The following DOCK3 variants were observed in gnomAD, a reference collection of about 807,000 sequenced individuals.
DOCK3 encodes dedicator of cytokinesis protein 3.
Under a neutral mutation model 265.6 loss-of-function variants are expected in DOCK3, and 60 were observed. The ratio of observed to expected loss-of-function variants is 0.23; its 90% CI spans 0.18 to 0.28. DOCK3 has a LOEUF of 0.28. DOCK3 is among the 10% of genes least tolerant of loss of function. The pLI is 1.00. For missense variants in DOCK3, 1,981 were observed against 2,594.3 expected (o/e 0.76, Z 5.14); for synonymous variants, 881 against 938.0 (o/e 0.94, Z 1.11).
intron 2 of DOCK3, among the ~76,000 whole-genome samples, chr3:50,788,594 G>T (rs532475758): frequency 6.6e-6 from 1 of 152,246 alleles, no homozygotes; most frequent in African/African-American, 2.4e-5. Context: ...TCCCTGCAGT[G>T]GGGGGACTGT....
In DOCK3 at chr3:50,841,781, A is replaced by G. The variant is rs574989365; in HGVS notation, c.162+66A>G. 7 of 250,172 alleles carry G rather than the reference A, an allele frequency of 2.8e-5. 1 individual carries two copies. The highest frequency in any genetic ancestry group is 4.9e-5 in the Admixed American group (1 of 20,376). 15.5% of individuals were successfully genotyped at this position (250,172 alleles called of 1,614,324 possible). On this transcript the variant is annotated intron_variant, in intron 3 of 52. Transcript: ENST00000266037. ...GAACTACCTTGTATGTTTGTTTGAT[A>G]TAACAACTCTTAGTGGTTCATCTTT...
intron 5 of DOCK3, among the ~76,000 whole-genome samples, chr3:50,990,506 C>G (rs1406303944): frequency 6.6e-6 from 1 of 152,132 alleles, no homozygotes; most frequent in Non-Finnish European, 1.5e-5. Flanking sequence ...GGCCTATATT[C>G]AACATTCTTA....
At chr3:50,862,058 G>C (rs983606327) in intron 3 of DOCK3, among the ~76,000 whole-genome samples, 1 of 152,044 alleles carries the variant, frequency 6.6e-6, no homozygotes, top group East Asian at 1.9e-4. Context: ...ATGGTAGCAG[G>C]TATCTTTCAT....
At chr3:50,968,619 G>T (rs2077103712) in intron 5 of DOCK3, among the ~76,000 whole-genome samples, 1 of 147,352 alleles carries the variant, frequency 6.8e-6, no homozygotes, top group Non-Finnish European at 1.5e-5. Flanking sequence ...GCACTATCTT[G>T]GCTCACTGCA....
intron 6 of DOCK3, among the ~76,000 whole-genome samples, chr3:51,070,654 C>T (rs1008571035): frequency 2.0e-5 from 3 of 152,090 alleles, no homozygotes; most frequent in African/African-American, 4.8e-5. Flanking sequence ...GCTGTTTTTA[C>T]TATAAGCATT....
chr3:51,246,799 G>A lies in DOCK3; in HGVS notation c.2176G>A (p.Ala726Thr). Residue 726 changes from alanine (A) to threonine (T), a missense_variant, in exon 22 of 53, where the codon GCT becomes ACT. This residue lies in a region of DOCK3 where 1,357 missense variants were observed against 1,866.8 expected (regional missense o/e 0.73). Coordinates refer to ENST00000266037, the MANE Select transcript of DOCK3 (RefSeq NM_004947.5). Reference protein sequence around the residue: ...ELIRQDHIQEAMRALEYLFKF... With the variant: ...ELIRQDHIQETMRALEYLFKF... The stretch of plus-strand genomic sequence containing the variant: ...GATTCGACAGGACCACATTCAAGAA[G>A]CTATGCGGGTAATGTACTAACCTCT... The A allele has an allele frequency of 1.2e-6, 2 of 1,612,958 alleles. No homozygotes were observed. The highest frequency in any genetic ancestry group is 8.5e-7 in the Non-Finnish European group (1 of 1,179,476).
At chr3:50,971,890 G>T (rs1559880373) in intron 5 of DOCK3, among the ~76,000 whole-genome samples, 1 of 152,192 alleles carries the variant, frequency 6.6e-6, no homozygotes, top group Non-Finnish European at 1.5e-5. Context: ...GGCAAGGGGA[G>T]CTCCTGGTGA....
At chr3:51,064,364 T>C in intron 5 of DOCK3, 84 bp from the exon 6 acceptor site, 1 of 1,537,966 alleles carries the variant, frequency 6.5e-7, no homozygotes, top group Non-Finnish European at 8.9e-7. Flanking sequence ...TGAGCACTTT[T>C]CATAGTTTAA....
chr3:50,991,439 T>C (rs2078099377), intron 5 of DOCK3, among the ~76,000 whole-genome samples: 2 of 152,206 alleles, frequency 1.3e-5, no homozygotes, highest in Non-Finnish European at 2.9e-5. Context: ...GCAGATGTTG[T>C]GATTTTTAAT....
chr3:51,313,032 A>T, intron 31 of DOCK3, 130 bp downstream of exon 31: 2 of 827,036 alleles, frequency 2.4e-6, no homozygotes, highest in South Asian at 1.7e-5. Context: ...TATCTTTCAC[A>T]TAACACCTCA....
At position 50,698,517 on chromosome 3, in the gene DOCK3, G is replaced by GTTTTTT; in HGVS notation, c.37+23237_37+23242dup. The stretch of plus-strand genomic sequence containing the variant: ...GTTTCTCTGTGGATGTATGTTTTTG[G>GTTTTTT]TTTTTTTTTTTTTTTTTTTTTTTTT... On this transcript the variant is annotated intron_variant, in intron 1 of 52. Coordinates refer to ENST00000266037, the MANE Select transcript of DOCK3 (RefSeq NM_004947.5). Among the ~76,000 whole-genome samples, 92 of 19,508 alleles carry GTTTTTT rather than the reference G, an allele frequency of 4.7e-3. 30 individuals carry two copies. The highest frequency in any genetic ancestry group is 9.0e-3 in the Non-Finnish European group (76 of 8,456). 12.8% of individuals were successfully genotyped at this position (19,508 alleles called of 152,430 possible).
In DOCK3 at chr3:51,214,245, C is replaced by T. The variant is rs762863241; in HGVS notation, c.1250C>T (p.Pro417Leu). The change falls in exon 14 of 53, where the codon CCA becomes CTA. Residue 417 changes from proline to leucine, a missense_variant and splice_region_variant. Pro to Leu is a moderately conservative substitution (Grantham distance 98). Transcript: ENST00000266037. ...TTGGGATTTCCTGATGTCATTATGCCAGGTATGCAGAACTGCTTGGGGCTG... is the reference window on the plus strand; with the variant it reads ...TTGGGATTTCCTGATGTCATTATGCTAGGTATGCAGAACTGCTTGGGGCTG... ...RKLGFPDVIM[P>L]GDIRNDLYLT... 6.2e-7 allele frequency: 1 copy of T among 1,613,366 alleles called. No individual in the cohort carries two copies. The highest frequency in any genetic ancestry group is 1.1e-5 in the South Asian group (1 of 90,980).
intron 3 of DOCK3, among the ~76,000 whole-genome samples, chr3:50,876,262 C>T (rs2047696893): frequency 6.6e-6 from 1 of 152,102 alleles, no homozygotes; most frequent in African/African-American, 2.4e-5. Context: ...ATTTGCCTCC[C>T]ATTTGTAAAC....
chr3:50,980,516 T>C (rs1017283835), intron 5 of DOCK3, among the ~76,000 whole-genome samples: 1 of 152,178 alleles, frequency 6.6e-6, no homozygotes, highest in Non-Finnish European at 1.5e-5. Context: ...TTTTTTGAAA[T>C]AGTTTGAGAA....
chr3:50,831,946 AT>A (rs2045203909), intron 2 of DOCK3, among the ~76,000 whole-genome samples: 1 of 152,082 alleles, frequency 6.6e-6, no homozygotes, highest in African/African-American at 2.4e-5. Context: ...ATGGTATCTC[AT>A]TGTGGTTTTG....
chr3:50,819,419 T>C (rs949922618), intron 2 of DOCK3, among the ~76,000 whole-genome samples: 1 of 152,188 alleles, frequency 6.6e-6, no homozygotes, highest in African/African-American at 2.4e-5. Flanking sequence ...TTCACACATA[T>C]TTGATAGCAG....
chr3:50,687,162 G>A (rs1009171892), intron 1 of DOCK3, among the ~76,000 whole-genome samples: 1 of 151,940 alleles, frequency 6.6e-6, no homozygotes, highest in African/African-American at 2.4e-5. Flanking sequence ...GTTGCAGTGG[G>A]CTGAGATCAT....
At chr3:50,794,333 T>C (rs760056903) in intron 2 of DOCK3, among the ~76,000 whole-genome samples, 16 of 152,328 alleles carry the variant, frequency 1.1e-4, no homozygotes, top group Middle Eastern at 3.4e-3. Context: ...CAGTGGCATG[T>C]TGAAGTTTCC....
At chr3:50,778,801 G>A in intron 2 of DOCK3, 43 bp downstream of exon 2, 1 of 1,400,006 alleles carries the variant, frequency 7.1e-7, no homozygotes, top group Non-Finnish European at 9.9e-7. Context: ...GATCATTTTT[G>A]GCAGTATTAT....
Sources: allele counts gnomAD v4.1 joint callset (sites outside exome capture counted in the v4.1 genomes callset), GRCh38; gene constraint gnomAD v4.1.1; regional missense constraint gnomAD v4.1.1; transcripts MANE v1.5; gene names NCBI Gene and HGNC (gene_info 2026-07-23, HGNC 2026-07-21).